The following SPTBN1 variants were observed in gnomAD, a reference collection of about 807,000 sequenced individuals.
SPTBN1 encodes the protein spectrin beta, non-erythrocytic 1.
Under a neutral mutation model 266.4 loss-of-function variants are expected in SPTBN1, and 32 were observed. The ratio of observed to expected loss-of-function variants is 0.12; its 90% CI spans 0.09 to 0.16. The LOEUF (loss-of-function observed/expected upper bound fraction) is 0.16, where lower values mean the gene tolerates loss of function less well. Among genes scored for constraint, SPTBN1 ranks in the 10% least tolerant of loss-of-function variants. The pLI is 1.00. For missense variants in SPTBN1, 2,296 were observed against 3,067.1 expected, an observed-to-expected ratio of 0.75 and a Z score of 5.94; for synonymous variants, 1,336 against 1,162.2, an observed-to-expected ratio of 1.15 and a Z score of -3.04.
Position 54,654,200 on chromosome 2 carries a change from C to T in SPTBN1, c.5822+347C>T, listed in dbSNP as rs566074685. ...ACGTACCTTGGACATGACTAACTGC[C>T]CCGTCTTTGCAATGAGATGACTTTT... On this transcript the variant is annotated intron_variant, in intron 27 of 35. Transcript: ENST00000356805. 1.1e-4 allele frequency among the ~76,000 whole-genome samples: 17 copies of T among 152,268 alleles called. No homozygotes were observed. The South Asian group carries it at 3.5e-3, about 32-fold the overall frequency.
In SPTBN1 at chr2:54,633,474, G is replaced by A. The variant is rs981572769; in HGVS notation, c.3767+706G>A. On this transcript the variant is annotated intron_variant, in intron 17 of 35. Transcript: ENST00000356805. Reference sequence around the variant, plus strand: ...CTGAAAGATTTCCTCCCCGGCTGGAGGCCAGTGGACTCTGTTTGACCCTAA... The same window carrying A: ...CTGAAAGATTTCCTCCCCGGCTGGAAGCCAGTGGACTCTGTTTGACCCTAA... 5.3e-5 allele frequency among the ~76,000 whole-genome samples: 8 copies of A among 152,126 alleles called. 1 individual carries two copies. Among genetic ancestry groups the A allele is most frequent in the African/African-American group, 1.9e-4 (8 of 41,490 alleles).
At chr2:54,557,874 TTGTC>T (rs964178757) in intron 2 of SPTBN1, 3 of 985,276 alleles carry the variant, frequency 3.0e-6, no homozygotes, top group Non-Finnish European at 3.6e-6. Context: ...GAGAGTGACT[TTGTC>T]TGACTTCTTC....
chr2:54,654,274 C>T (rs1477848800), intron 27 of SPTBN1, among the ~76,000 whole-genome samples: 2 of 152,160 alleles, frequency 1.3e-5, no homozygotes, highest in Admixed American at 6.5e-5. Context: ...CCACTCTATC[C>T]CTTTCCATGC....
chr2:54,534,982 T>C (rs1306939239), intron 2 of SPTBN1: 2 of 152,246 alleles, frequency 1.3e-5, no homozygotes, highest in African/African-American at 4.8e-5. Flanking sequence ...CTAGCCTTTG[T>C]CTGAACTCCT....
intron 1 of SPTBN1, among the ~76,000 whole-genome samples, chr2:54,479,929 A>G (rs1668018260): frequency 6.6e-6 from 1 of 151,938 alleles, no homozygotes; most frequent in Non-Finnish European, 1.5e-5. Context: ...TCCTGCGCTC[A>G]AGTGATCTTC....
intron 1 of SPTBN1, among the ~76,000 whole-genome samples, chr2:54,473,978 C>T (rs893914541): frequency 6.6e-6 from 1 of 152,124 alleles, no homozygotes; most frequent in Non-Finnish European, 1.5e-5. Context: ...GTCAGACAGA[C>T]CCAGGGTTTT....
intron 1 of SPTBN1, among the ~76,000 whole-genome samples, chr2:54,476,319 AC>A (rs1163067505): frequency 6.6e-6 from 1 of 152,162 alleles, no homozygotes; most frequent in Non-Finnish European, 1.5e-5. Context: ...AAAAGAAGAG[AC>A]TGGGTATGTG....
At chr2:54,491,466 G>A (rs114202081) in intron 1 of SPTBN1, among the ~76,000 whole-genome samples, 3 of 152,316 alleles carry the variant, frequency 2.0e-5, no homozygotes, top group Non-Finnish European at 2.9e-5. Flanking sequence ...TAACTTCTTG[G>A]AGTAAATATG....
chr2:54,641,325 T>A (rs1282069528), intron 18 of SPTBN1, among the ~76,000 whole-genome samples: 2 of 152,166 alleles, frequency 1.3e-5, no homozygotes, highest in Non-Finnish European at 2.9e-5. Context: ...TAATCCCTCT[T>A]GGGTAAGTGG....
chr2:54,584,950 G>A (rs2104592358), intron 2 of SPTBN1, among the ~76,000 whole-genome samples: 1 of 152,270 alleles, frequency 6.6e-6, no homozygotes, highest in South Asian at 2.1e-4. Context: ...AGGTGGGGTG[G>A]GAGGCTTGCA....
chr2:54,634,299 A>G (rs1422238378), intron 17 of SPTBN1, among the ~76,000 whole-genome samples: 1 of 152,174 alleles, frequency 6.6e-6, no homozygotes, highest in East Asian at 1.9e-4. Context: ...AGACTCCTGG[A>G]TATGATAAAA....
intron 2 of SPTBN1, among the ~76,000 whole-genome samples, chr2:54,555,636 C>G (rs1672822426): frequency 1.3e-5 from 2 of 152,222 alleles, no homozygotes; most frequent in East Asian, 3.8e-4. Flanking sequence ...CCCACACCCT[C>G]TACTCCCCTG....
In SPTBN1 at chr2:54,477,927, G is replaced by T. The variant is rs578205316; in HGVS notation, c.-48+21409G>T. ...GTCCATCTCAAAAAAAAAAAGACTG[G>T]TAGTAGACTTTGCTTTTTAAAGGTG... On this transcript the variant is annotated intron_variant, in intron 1 of 35. Transcript: ENST00000356805. Among the ~76,000 whole-genome samples the T allele has an allele frequency of 1.3e-3, 199 of 151,946 alleles. 1 individual carries two copies. Among genetic ancestry groups the T allele is most frequent in the Admixed American group, 2.9e-3 (44 of 15,252 alleles).
At chr2:54,511,823 A>T (rs1035731927) in intron 1 of SPTBN1, among the ~76,000 whole-genome samples, 15 of 152,068 alleles carry the variant, frequency 9.9e-5, no homozygotes, top group Non-Finnish European at 2.1e-4. Flanking sequence ...GTGAGCCAAG[A>T]TCATGCCACT....
chr2:54,602,483 T>C (rs1467595428), intron 3 of SPTBN1, among the ~76,000 whole-genome samples: 1 of 152,208 alleles, frequency 6.6e-6, no homozygotes, highest in Non-Finnish European at 1.5e-5. Context: ...TCTCCCTTCA[T>C]GGGCGTCTGC....
chr2:54,623,338 A>G (rs1031439843), intron 9 of SPTBN1, 141 bp from the exon 10 acceptor site: 11 of 697,724 alleles, frequency 1.6e-5, no homozygotes, highest in East Asian at 2.7e-5. Flanking sequence ...AAGGTTTGTA[A>G]TAGCCAATAA....
chr2:54,458,249 G>C (rs975896015), intron 1 of SPTBN1, among the ~76,000 whole-genome samples: 3 of 152,158 alleles, frequency 2.0e-5, no homozygotes, highest in Admixed American at 2.0e-4. Flanking sequence ...ATGTCACTAA[G>C]ACATTTATAA....
Position 54,558,608 on chromosome 2 carries a change from A to G in SPTBN1, c.148+32042A>G, listed in dbSNP as rs1673044756. 4 of 1,418,052 alleles carry G rather than the reference A, an allele frequency of 2.8e-6. No individual in the cohort carries two copies. Among genetic ancestry groups the G allele is most frequent in the Non-Finnish European group, 3.7e-6 (4 of 1,084,026 alleles). 87.8% of individuals were successfully genotyped at this position (1,418,052 alleles called of 1,614,324 possible). Reference sequence around the variant, plus strand: ...GTAACTCCTCGCGGAGCTAAGGTGGACTCTCTTGCAGCCAACTTCCCATCA... The same window carrying G: ...GTAACTCCTCGCGGAGCTAAGGTGGGCTCTCTTGCAGCCAACTTCCCATCA... On this transcript the variant is annotated intron_variant, in intron 2 of 35. Transcript: ENST00000356805. The surrounding 1 kb of genome is among the most constrained non-coding windows in gnomAD (Gnocchi z 4.6).
intron 1 of SPTBN1, among the ~76,000 whole-genome samples, chr2:54,493,046 C>G (rs1307314814): frequency 1.4e-5 from 2 of 144,332 alleles, no homozygotes; most frequent in Non-Finnish European, 3.0e-5. Flanking sequence ...CACTCTATTG[C>G]CCAGACTGAA....
Sources: gnomAD v4.1 joint callset for allele counts (sites outside exome capture counted in the v4.1 genomes callset) on GRCh38, gnomAD v4.1.1 for gene constraint, Gnocchi (gnomAD v3.1) non-coding constraint, MANE v1.5 for transcripts, NCBI Gene and HGNC (gene_info 2026-07-23, HGNC 2026-07-21) for gene names.